FCHSD2: variants seen among roughly 807,000 people sequenced by gnomAD.
FCHSD2 encodes FCH and double SH3 domains 2.
A neutral mutation model predicts 108.1 loss-of-function variants in FCHSD2; 38 were observed. The ratio of observed to expected loss-of-function variants is 0.35; its 90% CI spans 0.27 to 0.46. The LOEUF (loss-of-function observed/expected upper bound fraction) is 0.46. Among genes scored for constraint, FCHSD2 ranks in the 20% least tolerant of loss-of-function variants. The pLI is 1.00. For missense variants in FCHSD2, 751 were observed against 897.8 expected, an observed-to-expected ratio of 0.84 and a Z score of 2.09; for synonymous variants, 279 against 314.7, an observed-to-expected ratio of 0.89 and a Z score of 1.20.
intron 3 of FCHSD2, among the ~76,000 whole-genome samples, chr11:73,081,726 A>G (rs1193746842): frequency 6.6e-6 from 1 of 152,042 alleles, no homozygotes; most frequent in East Asian, 1.9e-4. Context: ...TCTCAATTTT[A>G]TAAATATATA....
chr11:72,978,587 A>C (rs1001143638), intron 8 of FCHSD2, among the ~76,000 whole-genome samples: 7 of 152,028 alleles, frequency 4.6e-5, no homozygotes, highest in African/African-American at 1.7e-4. Flanking sequence ...ATATCGGGGG[A>C]GGGTCCCTGT....
intron 13 of FCHSD2, among the ~76,000 whole-genome samples, chr11:72,858,091 G>A (rs908037182): frequency 2.0e-5 from 3 of 152,278 alleles, no homozygotes; most frequent in East Asian, 1.9e-4. Context: ...ACTTAATAAA[G>A]CATTAGCTTT....
chr11:73,029,691 C>T (rs935012848), intron 3 of FCHSD2, among the ~76,000 whole-genome samples: 29 of 152,210 alleles, frequency 1.9e-4, no homozygotes, highest in South Asian at 2.1e-4. Flanking sequence ...AAGTGACTTC[C>T]GGGGAACTTA....
chr11:72,894,380 T>TA (rs561054838), intron 10 of FCHSD2, among the ~76,000 whole-genome samples: 2 of 151,706 alleles, frequency 1.3e-5, no homozygotes, highest in Non-Finnish European at 2.9e-5. Context: ...CCCCAGCTCT[T>TA]AAAAAAAATT....
At chr11:73,110,172 T>C (rs1398311405) in intron 2 of FCHSD2, among the ~76,000 whole-genome samples, 1 of 152,026 alleles carries the variant, frequency 6.6e-6, no homozygotes, top group African/African-American at 2.4e-5. Flanking sequence ...GATGTGTCTT[T>C]GGTCTTTGGT....
intron 2 of FCHSD2, among the ~76,000 whole-genome samples, chr11:73,139,674 A>G (rs1302887533): frequency 2.0e-5 from 3 of 152,216 alleles, no homozygotes; most frequent in Admixed American, 6.5e-5. Flanking sequence ...ACCATTAACC[A>G]CAAGTGTTGG....
chr11:73,036,083 T>G (rs1858490087), intron 3 of FCHSD2, among the ~76,000 whole-genome samples: 2 of 152,078 alleles, frequency 1.3e-5, no homozygotes, highest in African/African-American at 4.8e-5. Flanking sequence ...TTACTTTTAG[T>G]TGAAAAAACT....
Position 73,057,088 on chromosome 11 carries a change from C to T in FCHSD2, c.165+26607G>A, listed in dbSNP as rs1019638794. On this transcript the variant is annotated intron_variant, in intron 3 of 19. Transcript: ENST00000409418. ...ACAGAGCAAGACTCCGACTCAAAAA[C>T]TAAAAAATAAAATAAAATAAATAAA... 3.9e-5 allele frequency among the ~76,000 whole-genome samples: 6 copies of T among 151,938 alleles called. No homozygotes were observed. The East Asian group carries it at 1.2e-3, about 29-fold the overall frequency.
At position 73,000,856 on chromosome 11, in the gene FCHSD2, A is replaced by G. The variant is rs561189731; in HGVS notation, c.387+134T>C. On this transcript the variant is annotated intron_variant, in intron 5 of 19. Transcript: ENST00000409418. Reference sequence around the variant, plus strand: ...CTTAATGAGAACATGTTGAAATCAGAAAATCCTAGTAAAATGTCAACCAGA... The same window carrying G: ...CTTAATGAGAACATGTTGAAATCAGGAAATCCTAGTAAAATGTCAACCAGA... 376 of 715,926 alleles carry G rather than the reference A, an allele frequency of 5.3e-4. 2 individuals carry two copies. In the South Asian group the frequency reaches 7.0e-3, roughly 13 times the overall value. The allele number at this position is 715,926 out of a possible 1,614,324, so 44.3% of individuals were successfully genotyped here.
At chr11:73,139,806 C>A (rs551289957) in intron 2 of FCHSD2, among the ~76,000 whole-genome samples, 1 of 152,122 alleles carries the variant, frequency 6.6e-6, no homozygotes, top group Non-Finnish European at 1.5e-5. Flanking sequence ...CTTTTAAGGT[C>A]CTTGTTTTTT....
At chr11:72,886,956 C>T (rs1336106276) in intron 12 of FCHSD2, among the ~76,000 whole-genome samples, 1 of 152,008 alleles carries the variant, frequency 6.6e-6, no homozygotes, top group African/African-American at 2.4e-5. Context: ...AAATTAAAAT[C>T]CACTATTATA....
chr11:72,947,593 A>G (rs1428307908), intron 8 of FCHSD2, among the ~76,000 whole-genome samples: 2 of 152,192 alleles, frequency 1.3e-5, no homozygotes, highest in African/African-American at 4.8e-5. Flanking sequence ...ACACCACTAT[A>G]TTGCTGGTCC....
intron 5 of FCHSD2, among the ~76,000 whole-genome samples, chr11:72,994,526 A>G (rs1164209186): frequency 6.6e-6 from 1 of 152,188 alleles, no homozygotes; most frequent in Admixed American, 6.5e-5. Flanking sequence ...GGAACCCATT[A>G]AAGTGTGTAC....
intron 8 of FCHSD2, among the ~76,000 whole-genome samples, chr11:72,950,714 T>A (rs1404254041): frequency 1.3e-5 from 2 of 152,250 alleles, no homozygotes; most frequent in Non-Finnish European, 2.9e-5. Flanking sequence ...TAGGATATTT[T>A]AATTTTTCAT....
chr11:73,140,226 C>A, intron 1 of FCHSD2, 98 bp from the exon 2 acceptor site: 1 of 610,184 alleles, frequency 1.6e-6, no homozygotes, highest in Non-Finnish European at 2.8e-6. Context: ...CTCTTGCTCG[C>A]CTCTCCCCTG....
At chr11:73,077,731 G>A (rs1049470190) in intron 3 of FCHSD2, 7 of 312,328 alleles carry the variant, frequency 2.2e-5, no homozygotes, top group Non-Finnish European at 3.8e-5. Flanking sequence ...CTACAAAATA[G>A]TTAATGCTAA....
At chr11:73,032,903 G>A (rs1382713926) in intron 3 of FCHSD2, among the ~76,000 whole-genome samples, 1 of 152,114 alleles carries the variant, frequency 6.6e-6, no homozygotes, top group African/African-American at 2.4e-5. Flanking sequence ...AAGACAACAG[G>A]AAATCAAGCT....
chr11:73,075,462 A>C (rs1200374198), intron 3 of FCHSD2, among the ~76,000 whole-genome samples: 1 of 152,244 alleles, frequency 6.6e-6, no homozygotes, highest in Non-Finnish European at 1.5e-5. Flanking sequence ...CTAGAACTAG[A>C]ACCTTCATGC....
intron 14 of FCHSD2, among the ~76,000 whole-genome samples, chr11:72,849,529 G>A (rs1222756472): frequency 6.6e-6 from 1 of 152,126 alleles, no homozygotes; most frequent in Non-Finnish European, 1.5e-5. Context: ...AGGAGCAGGG[G>A]ACAACCAACT....
Sources: allele counts gnomAD v4.1 joint callset (sites outside exome capture counted in the v4.1 genomes callset), GRCh38; gene constraint gnomAD v4.1.1; transcripts MANE v1.5; gene names NCBI Gene and HGNC (gene_info 2026-07-23, HGNC 2026-07-21).